Variants in MGAT4C observed in about 807,000 individuals in gnomAD.
MGAT4C encodes the protein MGAT4 family member C.
MGAT4C carries 19 observed loss-of-function variants against 40.1 expected under a neutral mutation model. The ratio of observed to expected loss-of-function variants is 0.47; its 90% CI spans 0.33 to 0.70. MGAT4C has a LOEUF of 0.70. Among genes scored for constraint, MGAT4C ranks in the 30% least tolerant of loss-of-function variants. The probability of loss-of-function intolerance (pLI) is 0.02; values close to 1 mark genes in which losing one functional copy is unlikely to be tolerated. For synonymous variants in MGAT4C, 181 were observed against 187.1 expected, an observed-to-expected ratio of 0.97 and a Z score of 0.27; for missense variants, 491 against 563.2, an observed-to-expected ratio of 0.87 and a Z score of 1.30.
chr12:86,305,530 T>C (rs1277027934), intron 4 of MGAT4C, among the ~76,000 whole-genome samples: 5 of 150,372 alleles, frequency 3.3e-5, no homozygotes. Flanking sequence ...ATTTTTTCAA[T>C]GTTCTATGTA....
chr12:85,995,544 GACTGGACATTAAAAA>G (rs147502522), intron 2 of MGAT4C, among the ~76,000 whole-genome samples: 10,753 of 152,100 alleles, frequency 0.071, 534 homozygotes, highest in Middle Eastern at 0.24. Context: ...AGCAAACTTG[GACTGGACATTAAAAA>G]ACTGGACATT....
chr12:86,386,557 C>T (rs142386324), intron 3 of MGAT4C, among the ~76,000 whole-genome samples: 4 of 152,240 alleles, frequency 2.6e-5, no homozygotes, highest in South Asian at 2.1e-4. Context: ...CCCAGTGGCA[C>T]GTTGGAAAAC....
At chr12:86,180,117 G>T (rs1404224435) in intron 1 of MGAT4C, among the ~76,000 whole-genome samples, 1 of 152,208 alleles carries the variant, frequency 6.6e-6, no homozygotes, top group Non-Finnish European at 1.5e-5. Context: ...GGCTGAAAGG[G>T]GCCAATGTAG....
intron 2 of MGAT4C, among the ~76,000 whole-genome samples, chr12:86,493,445 C>T (rs1958176789): frequency 6.6e-6 from 1 of 152,138 alleles, no homozygotes; most frequent in Non-Finnish European, 1.5e-5. Flanking sequence ...GGCACATATA[C>T]ACCATGGAAT....
At chr12:86,608,304 C>G (rs558663858) in intron 2 of MGAT4C, among the ~76,000 whole-genome samples, 2 of 152,190 alleles carry the variant, frequency 1.3e-5, no homozygotes, top group East Asian at 1.9e-4. Context: ...ATTCGGCCAG[C>G]ATGGTGACTC....
In MGAT4C at chr12:86,595,766, C is replaced by A. The variant is rs1353154845; in HGVS notation, c.-229+131443G>T. 4.1e-4 allele frequency among the ~76,000 whole-genome samples: 63 copies of A among 152,250 alleles called. 1 individual carries two copies. The highest frequency in any genetic ancestry group is 2.9e-5 in the Non-Finnish European group (2 of 68,018). On this transcript the variant is annotated intron_variant, in intron 2 of 7. Coordinates refer to the MGAT4C transcript ENST00000548651. ...TTTTTGAGCCTTTTAACATTTTTGA[C>A]AAACATCCTTAAAATCAAATTCTAA...
chr12:86,624,097 A>G (rs1450696592), intron 2 of MGAT4C, among the ~76,000 whole-genome samples: 1 of 152,196 alleles, frequency 6.6e-6, no homozygotes, highest in Non-Finnish European at 1.5e-5. Context: ...GTGTTTGGAC[A>G]TATGTCATAT....
chr12:86,128,047 T>C (rs1880574925), intron 1 of MGAT4C, among the ~76,000 whole-genome samples: 1 of 152,186 alleles, frequency 6.6e-6, no homozygotes, highest in Non-Finnish European at 1.5e-5. Context: ...CTGTACATAA[T>C]TCTGTGCTAT....
chr12:86,243,333 T>C (rs1252776671), intron 1 of MGAT4C, among the ~76,000 whole-genome samples: 2 of 152,210 alleles, frequency 1.3e-5, no homozygotes, highest in African/African-American at 2.4e-5. Flanking sequence ...GACAGTCACT[T>C]AGAGGTCTCT....
At chr12:86,553,175 G>A (rs1959449537) in intron 2 of MGAT4C, among the ~76,000 whole-genome samples, 1 of 152,070 alleles carries the variant, frequency 6.6e-6, no homozygotes, top group African/African-American at 2.4e-5. Flanking sequence ...TAAAGTTGCA[G>A]TCCAGTCAGC....
chr12:86,199,674 A>G (rs1365134128), intron 1 of MGAT4C, among the ~76,000 whole-genome samples: 1 of 152,128 alleles, frequency 6.6e-6, no homozygotes, highest in Non-Finnish European at 1.5e-5. Flanking sequence ...ACAAGCATAT[A>G]TATTGTCATA....
At chr12:86,714,830 G>A (rs77802012) in intron 2 of MGAT4C, among the ~76,000 whole-genome samples, 5,186 of 151,232 alleles carry the variant, frequency 0.034, 157 homozygotes, top group African/African-American at 0.085. Context: ...ATTAAAGTAG[G>A]AAGGAAGAAA....
chr12:86,801,858 AAGGG>A (rs199666403), intron 1 of MGAT4C, among the ~76,000 whole-genome samples: 14,534 of 151,680 alleles, frequency 0.096, 951 homozygotes, highest in Non-Finnish European at 0.14. Context: ...ACAAAATGTT[AAGGG>A]AAATATTTTT....
intron 2 of MGAT4C, among the ~76,000 whole-genome samples, chr12:86,550,244 T>C (rs1284215132): frequency 1.3e-5 from 2 of 152,186 alleles, no homozygotes; most frequent in Admixed American, 6.5e-5. Flanking sequence ...CTCTTTCCTT[T>C]ATAAACTACC....
intron 4 of MGAT4C, among the ~76,000 whole-genome samples, chr12:86,319,724 A>G (rs73385244): frequency 6.6e-6 from 1 of 152,168 alleles, no homozygotes; most frequent in Non-Finnish European, 1.5e-5. Flanking sequence ...TGGCTTTGTG[A>G]GAAATGAAAT....
intron 1 of MGAT4C, among the ~76,000 whole-genome samples, chr12:86,168,715 G>A (rs1391858942): frequency 6.6e-6 from 1 of 152,094 alleles, no homozygotes; most frequent in Non-Finnish European, 1.5e-5. Flanking sequence ...CTGTGATTAT[G>A]TGTTTTCCAC....
rs1230040650 is a variant in MGAT4C at position 85,964,751 on chromosome 12, G to A, written c.*14538C>T. On this transcript the variant is annotated 3_prime_UTR_variant, in exon 5 of 5. Coordinates refer to ENST00000611864, the MANE Select transcript of MGAT4C (RefSeq NM_001351288.2). ...TGGTAAAGAAGAAACATTATAGGAA[G>A]CATTTTTTTTTCCTACAGAGTCTGC... 6.6e-6 allele frequency: 1 copy of A among 152,074 alleles called. No homozygotes were observed. The highest frequency in any genetic ancestry group is 1.5e-5 in the Non-Finnish European group (1 of 67,996). 9.4% of individuals were successfully genotyped at this position (152,074 alleles called of 1,614,324 possible).
At chr12:86,740,302 T>C (rs1429079233) in intron 1 of MGAT4C, among the ~76,000 whole-genome samples, 2 of 151,116 alleles carry the variant, frequency 1.3e-5, no homozygotes, top group Admixed American at 6.6e-5. Flanking sequence ...ATAATCATGG[T>C]CATAAGGATA....
intron 2 of MGAT4C, among the ~76,000 whole-genome samples, chr12:86,620,051 A>T (rs1274633870): frequency 1.3e-5 from 2 of 152,258 alleles, no homozygotes; most frequent in East Asian, 1.9e-4. Context: ...GACTATTATT[A>T]AAAAATCAAC....
Sources: gnomAD v4.1 joint callset for allele counts (sites outside exome capture counted in the v4.1 genomes callset) on GRCh38, gnomAD v4.1.1 for gene constraint, MANE v1.5 for transcripts, NCBI Gene and HGNC (gene_info 2026-07-23, HGNC 2026-07-21) for gene names.